Variants in PDE7B observed in about 807,000 individuals in gnomAD.
PDE7B encodes 3',5'-cyclic-AMP phosphodiesterase 7B.
A neutral mutation model predicts 56.2 loss-of-function variants in PDE7B; 29 were observed. The ratio of observed to expected loss-of-function variants is 0.52; its 90% CI spans 0.38 to 0.70. PDE7B has a LOEUF of 0.70. Ranked by LOEUF, PDE7B falls within the 30% of genes least tolerant of loss-of-function variation. PDE7B has a pLI of 0.00. For missense variants in PDE7B, 490 were observed against 565.0 expected, an observed-to-expected ratio of 0.87 and a Z score of 1.35; for synonymous variants, 197 against 196.9, an observed-to-expected ratio of 1.00 and a Z score of 0.00.
At chr6:136,127,142 C>A (rs1371112749) in intron 3 of PDE7B, among the ~76,000 whole-genome samples, 1 of 152,086 alleles carries the variant, frequency 6.6e-6, no homozygotes, top group Non-Finnish European at 1.5e-5. Context: ...GAATACCTGA[C>A]CAGCCATTGA....
chr6:135,876,043 A>G (rs1387924142), intron 1 of PDE7B, among the ~76,000 whole-genome samples: 1 of 152,132 alleles, frequency 6.6e-6, no homozygotes, highest in Non-Finnish European at 1.5e-5. Context: ...AAAGGAATAG[A>G]TAGAGACAGC....
intron 12 of PDE7B, among the ~76,000 whole-genome samples, chr6:136,190,210 G>GA (rs1779200355): frequency 6.6e-6 from 1 of 152,176 alleles, no homozygotes; most frequent in Non-Finnish European, 1.5e-5. Context: ...AGCAAAACGT[G>GA]AAATCCTCAT....
At chr6:136,180,747 C>A (rs542026187) in intron 10 of PDE7B, among the ~76,000 whole-genome samples, 1 of 152,224 alleles carries the variant, frequency 6.6e-6, no homozygotes, top group African/African-American at 2.4e-5. Flanking sequence ...GGGTTTGATA[C>A]GACTTCATTC....
At chr6:136,075,196 G>C (rs1186834376) in intron 2 of PDE7B, among the ~76,000 whole-genome samples, 1 of 152,108 alleles carries the variant, frequency 6.6e-6, no homozygotes, top group Non-Finnish European at 1.5e-5. Context: ...GCATATTTCA[G>C]ACAATTGTAG....
chr6:136,188,258 T>C (rs1346637463), intron 12 of PDE7B, among the ~76,000 whole-genome samples: 2 of 135,068 alleles, frequency 1.5e-5, no homozygotes, highest in South Asian at 4.3e-4. Flanking sequence ...TGTTCGATTA[T>C]TGAGCATTTT....
chr6:135,890,547 TGG>T (rs753208967), intron 1 of PDE7B, among the ~76,000 whole-genome samples: 9,791 of 152,222 alleles, frequency 0.064, 674 homozygotes, highest in African/African-American at 0.17. Flanking sequence ...CAGCACGCAG[TGG>T]GTATGACTGG....
chr6:135,858,920 G>A (rs1775090653), intron 1 of PDE7B, among the ~76,000 whole-genome samples: 1 of 152,026 alleles, frequency 6.6e-6, no homozygotes, highest in Admixed American at 6.6e-5. Context: ...ACTTTTAAAG[G>A]AAAATTATAC....
At chr6:136,069,943 A>G (rs1302652813) in intron 2 of PDE7B, among the ~76,000 whole-genome samples, 2 of 152,142 alleles carry the variant, frequency 1.3e-5, no homozygotes, top group African/African-American at 2.4e-5. Flanking sequence ...GCAAACAGAA[A>G]TCTGAATTCA....
At chr6:136,049,967 A>G (rs1411270904) in intron 2 of PDE7B, among the ~76,000 whole-genome samples, 1 of 151,998 alleles carries the variant, frequency 6.6e-6, no homozygotes, top group African/African-American at 2.4e-5. Flanking sequence ...GAGAAAGCTG[A>G]GACTCCACAG....
chr6:136,145,608 T>C (rs924308514), intron 3 of PDE7B, among the ~76,000 whole-genome samples: 7 of 152,178 alleles, frequency 4.6e-5, no homozygotes, highest in South Asian at 2.1e-4. Context: ...TGGCCAACTC[T>C]CAGTCTTCAT....
chr6:135,934,205 C>T (rs903556721), intron 1 of PDE7B, among the ~76,000 whole-genome samples: 1 of 152,082 alleles, frequency 6.6e-6, no homozygotes, highest in Non-Finnish European at 1.5e-5. Context: ...AATAACATGA[C>T]ACCTACTACT....
intron 2 of PDE7B, among the ~76,000 whole-genome samples, chr6:136,093,669 A>G (rs1031395539): frequency 2.0e-5 from 3 of 152,180 alleles, no homozygotes; most frequent in Non-Finnish European, 4.4e-5. Context: ...CCACTGAGTG[A>G]GAAAGCCATC....
chr6:136,091,663 G>A (rs1303508872), intron 2 of PDE7B, among the ~76,000 whole-genome samples: 2 of 152,192 alleles, frequency 1.3e-5, no homozygotes, highest in Non-Finnish European at 2.9e-5. Flanking sequence ...CGATGCTTGA[G>A]GTTTATTTGC....
chr6:135,985,122 T>C (rs149056541), intron 2 of PDE7B, among the ~76,000 whole-genome samples: 83 of 152,328 alleles, frequency 5.4e-4, no homozygotes, highest in African/African-American at 1.7e-3. Flanking sequence ...TTACACTTTA[T>C]GTTTGCATTT....
At chr6:135,871,005 A>G (rs761495155) in intron 1 of PDE7B, among the ~76,000 whole-genome samples, 6 of 152,138 alleles carry the variant, frequency 3.9e-5, no homozygotes, top group Non-Finnish European at 7.4e-5. Context: ...TGTAGACATG[A>G]AAGCCTCTTT....
intron 12 of PDE7B, among the ~76,000 whole-genome samples, chr6:136,190,633 T>C (rs1779207342): frequency 6.6e-6 from 1 of 152,208 alleles, no homozygotes; most frequent in Non-Finnish European, 1.5e-5. Flanking sequence ...CTGAAAGCTA[T>C]CTTTTCATAA....
At chr6:136,126,407 A>T (rs1778024019) in intron 3 of PDE7B, among the ~76,000 whole-genome samples, 1 of 152,234 alleles carries the variant, frequency 6.6e-6, no homozygotes, top group African/African-American at 2.4e-5. Flanking sequence ...TTCCTTAAAG[A>T]ACTAAAAGTA....
At chr6:135,983,983 A>G (rs1459456952) in intron 2 of PDE7B, among the ~76,000 whole-genome samples, 2 of 152,248 alleles carry the variant, frequency 1.3e-5, no homozygotes, top group Non-Finnish European at 2.9e-5. Flanking sequence ...AGACTTCCTC[A>G]ATTTACTGCA....
chr6:135,988,186 G>A (rs1441003501), intron 2 of PDE7B, among the ~76,000 whole-genome samples: 36 of 151,784 alleles, frequency 2.4e-4, no homozygotes, highest in Middle Eastern at 3.4e-3. Flanking sequence ...AGAACTAAGA[G>A]GGAACACAAC....
Sources: allele counts gnomAD v4.1 joint callset (sites outside exome capture counted in the v4.1 genomes callset), GRCh38; gene constraint gnomAD v4.1.1; transcripts MANE v1.5; gene names NCBI Gene and HGNC (gene_info 2026-07-23, HGNC 2026-07-21).